LRP1B: variants seen among roughly 807,000 people sequenced by gnomAD.
The protein encoded by LRP1B is LDL receptor related protein 1B, also known as low-density lipoprotein receptor-related protein 1B.
A neutral mutation model predicts 556.6 loss-of-function variants in LRP1B; 217 were observed. The observed-to-expected ratio is 0.39, with a 90% CI of 0.35 to 0.44. LRP1B has a LOEUF of 0.44. Among genes scored for constraint, LRP1B ranks in the 20% least tolerant of loss-of-function variants. The pLI is 1.00. For synonymous variants in LRP1B, 2,047 were observed against 1,865.8 expected (o/e 1.10, Z -2.50); for missense variants, 5,053 against 5,620.8 (o/e 0.90, Z 3.23).
intron 2 of LRP1B, among the ~76,000 whole-genome samples, chr2:141,661,050 G>A (rs898621596): frequency 7.2e-5 from 11 of 152,052 alleles, no homozygotes; most frequent in Admixed American, 2.0e-4. Flanking sequence ...ATCTGGAGTC[G>A]GGGACCACCA....
At chr2:140,788,097 C>T (rs1466816441) in intron 32 of LRP1B, among the ~76,000 whole-genome samples, 1 of 151,996 alleles carries the variant, frequency 6.6e-6, no homozygotes, top group Non-Finnish European at 1.5e-5. Context: ...TAATATTAGT[C>T]CTCTAATATG....
At chr2:142,000,926 A>G (rs1377151182) in intron 1 of LRP1B, among the ~76,000 whole-genome samples, 2 of 152,172 alleles carry the variant, frequency 1.3e-5, no homozygotes, top group Non-Finnish European at 2.9e-5. Context: ...TGTAGCTCCC[A>G]TAATTCCCAT....
rs150862968 is a variant in LRP1B, at chr2:141,722,994, T to C, written c.205+87285A>G. ...GCTTGCGTGTTTTTGCCAGTATGAA[T>C]AGTACTGTAATAAACATGGTACATT... On this transcript the variant is annotated intron_variant, in intron 2 of 90. Transcript: ENST00000389484. Among the ~76,000 whole-genome samples the C allele has an allele frequency of 4.4e-3, 673 of 152,320 alleles. 1 individual carries two copies. The highest frequency in any genetic ancestry group is 8.1e-3 in the Non-Finnish European group (554 of 68,014).
chr2:141,362,076 TA>T (rs1222436689), intron 3 of LRP1B, among the ~76,000 whole-genome samples: 1 of 152,168 alleles, frequency 6.6e-6, no homozygotes, highest in Non-Finnish European at 1.5e-5. Context: ...TTGTGTAGAG[TA>T]TTTAGAGAGC....
intron 2 of LRP1B, among the ~76,000 whole-genome samples, chr2:141,710,446 T>A (rs1692316025): frequency 6.6e-6 from 1 of 152,170 alleles, no homozygotes; most frequent in Non-Finnish European, 1.5e-5. Flanking sequence ...GCAGCTACCC[T>A]GTGATTGTCA....
At chr2:141,195,868 G>C (rs1681729365) in intron 6 of LRP1B, among the ~76,000 whole-genome samples, 1 of 152,048 alleles carries the variant, frequency 6.6e-6, no homozygotes, top group South Asian at 2.1e-4. Context: ...AAAAATGGCA[G>C]AGAGTGGCTG....
chr2:140,400,763 A>C (rs1684461978), intron 66 of LRP1B, among the ~76,000 whole-genome samples: 1 of 151,676 alleles, frequency 6.6e-6, no homozygotes, highest in Non-Finnish European at 1.5e-5. Flanking sequence ...TGTCAGGCAG[A>C]AGCCTACATT....
intron 18 of LRP1B, among the ~76,000 whole-genome samples, chr2:140,973,303 G>T (rs1696492133): frequency 6.6e-6 from 1 of 151,782 alleles, no homozygotes; most frequent in African/African-American, 2.4e-5. Flanking sequence ...TTTGGTTAAA[G>T]CTTCAAAAGT....
intron 1 of LRP1B, among the ~76,000 whole-genome samples, chr2:141,934,823 C>T (rs1700591570): frequency 6.6e-6 from 1 of 152,186 alleles, no homozygotes; most frequent in Admixed American, 6.5e-5. Flanking sequence ...GCCTCCCCAG[C>T]CATGTGAAAT....
chr2:140,969,583 ATTTGC>A (rs1254081314), intron 18 of LRP1B, among the ~76,000 whole-genome samples: 18 of 152,058 alleles, frequency 1.2e-4, no homozygotes, highest in Non-Finnish European at 2.5e-4. Flanking sequence ...TAGCTGGTTA[ATTTGC>A]TCGTCAGTTG....
intron 7 of LRP1B, among the ~76,000 whole-genome samples, chr2:141,179,467 C>T (rs1056733675): frequency 4.6e-5 from 7 of 151,968 alleles, no homozygotes; most frequent in Non-Finnish European, 7.4e-5. Context: ...GAAGATCAAT[C>T]GCAATGGCAA....
At chr2:141,817,763 T>C (rs561887423) in intron 1 of LRP1B, among the ~76,000 whole-genome samples, 1 of 152,244 alleles carries the variant, frequency 6.6e-6, no homozygotes, top group African/African-American at 2.4e-5. Flanking sequence ...AAAAGTTCAC[T>C]TGTTATACTA....
intron 2 of LRP1B, among the ~76,000 whole-genome samples, chr2:141,643,642 C>A (rs926625465): frequency 1.3e-5 from 2 of 151,894 alleles, no homozygotes. Context: ...TATTTTGTCC[C>A]ACAAAAGTAG....
At chr2:140,522,580 A>T (rs2890535) in intron 49 of LRP1B, among the ~76,000 whole-genome samples, 140,146 of 151,630 alleles carry the variant, frequency 0.92, 65,696 homozygotes, top group East Asian at 1. Flanking sequence ...AGCAGAAGAA[A>T]ATAAAATGAG....
At chr2:140,585,693 T>C (rs1681956643) in intron 43 of LRP1B, among the ~76,000 whole-genome samples, 2 of 152,196 alleles carry the variant, frequency 1.3e-5, no homozygotes, top group African/African-American at 4.8e-5. Flanking sequence ...TTCACTTATT[T>C]CTTATTCTCA....
chr2:140,924,905 AGT>A, intron 20 of LRP1B, among the ~76,000 whole-genome samples: 2 of 152,106 alleles, frequency 1.3e-5, no homozygotes, highest in Non-Finnish European at 2.9e-5. Context: ...ATATTTATTT[AGT>A]GTCTGCAGAG....
intron 7 of LRP1B, among the ~76,000 whole-genome samples, chr2:141,081,744 G>A (rs1699928053): frequency 6.6e-6 from 1 of 152,086 alleles, no homozygotes. Flanking sequence ...CTGCTAAGAG[G>A]CACAGTAGAA....
At chr2:141,806,148 G>A (rs545858747) in intron 2 of LRP1B, among the ~76,000 whole-genome samples, 6 of 152,198 alleles carry the variant, frequency 3.9e-5, no homozygotes, top group African/African-American at 1.2e-4. Flanking sequence ...GTATCATTAA[G>A]CATTCCACAG....
In LRP1B at chr2:141,978,881, T is replaced by C. The variant is rs192173062; in HGVS notation, c.82+151767A>G. On this transcript the variant is annotated intron_variant, in intron 1 of 90. Transcript: ENST00000389484. The stretch of plus-strand genomic sequence containing the variant: ...GTACGTTTTGTGTATATGTTTAACA[T>C]GATTCTGACAGAAGAAATTGGGTGA... 1.6e-4 allele frequency among the ~76,000 whole-genome samples: 25 copies of C among 152,164 alleles called. No individual in the cohort carries two copies. The East Asian group carries it at 3.7e-3, about 22-fold the overall frequency.
Sources: gnomAD v4.1 joint callset for allele counts (sites outside exome capture counted in the v4.1 genomes callset) on GRCh38, gnomAD v4.1.1 for gene constraint, MANE v1.5 for transcripts, NCBI Gene and HGNC (gene_info 2026-07-23, HGNC 2026-07-21) for gene names.